The following RIPK4 variants were observed in gnomAD, a reference collection of about 807,000 sequenced individuals.
The protein encoded by RIPK4 is receptor interacting serine/threonine kinase 4.
A neutral mutation model predicts 42.9 loss-of-function variants in RIPK4; 17 were observed. The observed-to-expected ratio is 0.40, with a 90% CI of 0.27 to 0.59. RIPK4 has a LOEUF of 0.59. RIPK4 is among the 20% of genes least tolerant of loss of function. The pLI is 0.47. For missense variants in RIPK4, 897 were observed against 1,104.4 expected, an observed-to-expected ratio of 0.81 and a Z score of 2.66; for synonymous variants, 498 against 499.1, an observed-to-expected ratio of 1.00 and a Z score of 0.03.
At chr21:41,745,708 C>A in intron 6 of RIPK4, 51 bp downstream of exon 6, 1 of 1,427,068 alleles carries the variant, frequency 7.0e-7, no homozygotes, top group Non-Finnish European at 9.9e-7. Context: ...TTTGGAAACT[C>A]CTGCCTGGAA....
chr21:41,741,916 AG>A lies in RIPK4; in HGVS notation c.1276del (p.Leu426CysfsTer41), dbSNP rs1255090363. 6.2e-7 allele frequency: 1 copy of A among 1,613,366 alleles called. No individual in the cohort carries two copies. The highest frequency in any genetic ancestry group is 8.5e-7 in the Non-Finnish European group (1 of 1,179,768). Reference sequence around the variant, plus strand: ...TGCCAGGTCCACGTCCTGCGGCTGCAGGATCTTCATCAGTTTGCTGGTGTCC... The same window carrying A: ...TGCCAGGTCCACGTCCTGCGGCTGCAGATCTTCATCAGTTTGCTGGTGTCC... ...SGDTSKLMKI[L>X]QPQDVDLALD... On this transcript the variant is annotated frameshift_variant, in exon 8 of 8. Transcript: ENST00000332512. LOFTEE classifies it low-confidence loss of function (END_TRUNC).
At chr21:41,759,202 G>A (rs918869252) in intron 1 of RIPK4, among the ~76,000 whole-genome samples, 3 of 152,218 alleles carry the variant, frequency 2.0e-5, no homozygotes, top group Admixed American at 6.5e-5. Context: ...AGGTTCAAGT[G>A]AGTCTCATGC....
At chr21:41,759,492 G>A (rs1482239253) in intron 1 of RIPK4, among the ~76,000 whole-genome samples, 1 of 152,168 alleles carries the variant, frequency 6.6e-6, no homozygotes, top group Non-Finnish European at 1.5e-5. Context: ...GCAGCTCCAT[G>A]TCCACACACA....
intron 1 of RIPK4, among the ~76,000 whole-genome samples, chr21:41,761,619 G>A (rs896604981): frequency 1.3e-5 from 2 of 152,154 alleles, no homozygotes; most frequent in Non-Finnish European, 2.9e-5. Context: ...ATGACAATTC[G>A]GGTGTTTAGA....
chr21:41,745,613 C>T, intron 6 of RIPK4, 146 bp downstream of exon 6: 1 of 633,836 alleles, frequency 1.6e-6, no homozygotes, highest in Non-Finnish European at 2.8e-6. Flanking sequence ...ATGGGACCTA[C>T]ACTTCTAATG....
rs536240693 is a variant in RIPK4 at position 41,740,677 on chromosome 21, C to G, written c.*161G>C. ...CCAGCTTCACCTGGAGGGGACACTC[C>G]GGTCAGCAGCAGCCGCCTCCTGATG... is the stretch of plus-strand genomic sequence containing the variant. On this transcript the variant is annotated 3_prime_UTR_variant, in exon 8 of 8. Coordinates refer to ENST00000332512, the MANE Select transcript of RIPK4 (RefSeq NM_020639.3). 3.3e-4 allele frequency: 230 copies of G among 706,734 alleles called. 2 individuals are homozygous for G. In the South Asian group the frequency reaches 4.3e-3, roughly 13 times the overall value. The allele number at this position is 706,734 out of a possible 1,614,324, so 43.8% of individuals were successfully genotyped here.
chr21:41,764,153 G>A (rs890211252), intron 1 of RIPK4, among the ~76,000 whole-genome samples: 97 of 152,340 alleles, frequency 6.4e-4, no homozygotes, highest in African/African-American at 2.2e-3. Context: ...GTGTCTGGGG[G>A]CTGGGCGGCC....
intron 5 of RIPK4, 162 bp from the exon 6 acceptor site, chr21:41,746,024 T>C (rs1426944381): frequency 4.1e-6 from 3 of 738,058 alleles, no homozygotes; most frequent in Non-Finnish European, 7.4e-6. Context: ...GACAATTTGC[T>C]GGCCAAACCC....
Position 41,740,372 on chromosome 21 carries a change from T to C in RIPK4, c.*466A>G, listed in dbSNP as rs2061148563. 6.2e-6 allele frequency: 1 copy of C among 160,274 alleles called. No individual in the cohort carries two copies. The highest frequency in any genetic ancestry group is 1.4e-5 in the Non-Finnish European group (1 of 73,946). The allele number at this position is 160,274 out of a possible 1,614,324, so 9.9% of individuals were successfully genotyped here. A position where few individuals can be genotyped will look rare whatever the true frequency, so the allele number is the denominator to read the frequency against. ...GGTATTCATCTCTTAAGATATTTTA[T>C]AAAACAATTCCATGGAAACTTTAAG... On this transcript the variant is annotated 3_prime_UTR_variant, in exon 8 of 8. Transcript: ENST00000332512.
intron 7 of RIPK4, 136 bp downstream of exon 7, chr21:41,743,746 G>A: frequency 8.6e-7 from 1 of 1,163,328 alleles, no homozygotes; most frequent in East Asian, 2.4e-5. Context: ...AATTACTTAA[G>A]ACAGAGAGAA....
chr21:41,757,389 G>T (rs138095958), intron 1 of RIPK4, among the ~76,000 whole-genome samples: 3 of 151,958 alleles, frequency 2.0e-5, no homozygotes, highest in African/African-American at 4.8e-5. Context: ...GGGCATGGTG[G>T]CAGATGCTTA....
intron 6 of RIPK4, 80 bp downstream of exon 6, chr21:41,745,679 A>G: frequency 1.9e-6 from 2 of 1,029,962 alleles, no homozygotes; most frequent in Non-Finnish European, 3.0e-6. Flanking sequence ...GCGGCGGGGG[A>G]CTCTGCAAAG....
intron 1 of RIPK4, among the ~76,000 whole-genome samples, chr21:41,761,955 G>A (rs1048695735): frequency 1.3e-5 from 2 of 152,008 alleles, no homozygotes; most frequent in Non-Finnish European, 2.9e-5. Flanking sequence ...TCCCTGCCCC[G>A]GGCTCTTTCT....
intron 1 of RIPK4, among the ~76,000 whole-genome samples, chr21:41,757,138 C>CT (rs2061206024): frequency 6.6e-6 from 1 of 152,156 alleles, no homozygotes; most frequent in Non-Finnish European, 1.5e-5. Context: ...TGAGCCAAGG[C>CT]TTGGGGGTCT....
chr21:41,750,127 T>C (rs1601679040), intron 3 of RIPK4, among the ~76,000 whole-genome samples: 2 of 152,276 alleles, frequency 1.3e-5, no homozygotes, highest in South Asian at 4.1e-4. Flanking sequence ...AACTCTCAGC[T>C]TAAAGCCCCA....
chr21:41,760,616 A>T (rs1382918415), intron 1 of RIPK4, among the ~76,000 whole-genome samples: 1 of 152,014 alleles, frequency 6.6e-6, no homozygotes, highest in Non-Finnish European at 1.5e-5. Flanking sequence ...GAGCACACAC[A>T]CTCTGTTGGA....
chr21:41,751,645 G>A lies in RIPK4; in HGVS notation c.475-400C>T, dbSNP rs1223963732. ...GGTTCAGGTAAAGAGAGACACATGT[G>A]AAGACCAGGTCTGCTCCTAGAGAAG... On this transcript the variant is annotated intron_variant, in intron 2 of 7. Coordinates refer to ENST00000332512, the MANE Select transcript of RIPK4 (RefSeq NM_020639.3). This position sits in a 1 kb window ranked among gnomAD's most constrained non-coding sequence, Gnocchi z 4.5. Among the ~76,000 whole-genome samples, 1 of 152,248 alleles carries A rather than the reference G, an allele frequency of 6.6e-6. No homozygotes were observed. Among genetic ancestry groups the A allele is most frequent in the African/African-American group, 2.4e-5 (1 of 41,472 alleles).
chr21:41,758,433 T>G (rs1313226589), intron 1 of RIPK4, among the ~76,000 whole-genome samples: 1 of 152,228 alleles, frequency 6.6e-6, no homozygotes, highest in Non-Finnish European at 1.5e-5. Context: ...GCTGCACGAA[T>G]GTACTGCGTT....
Position 41,742,008 on chromosome 21 carries a change from A to G in RIPK4, c.1196-11T>C. The G allele has an allele frequency of 1.9e-6, 3 of 1,569,604 alleles. No individual in the cohort carries two copies. Among genetic ancestry groups the G allele is most frequent in the Non-Finnish European group, 2.6e-6 (3 of 1,155,774 alleles). On this transcript the variant is annotated splice_polypyrimidine_tract_variant and intron_variant, in intron 7 of 7. Transcript: ENST00000332512. The surrounding 1 kb of genome is among the most constrained non-coding windows in gnomAD (Gnocchi z 5.1). ...CTGTGGTGCCCAGATCTGCAGGGAG[A>G]GGAGAGGCAAAGGTCAGAGCGTGGC...
Sources: allele counts gnomAD v4.1 joint callset (sites outside exome capture counted in the v4.1 genomes callset), GRCh38; gene constraint gnomAD v4.1.1; non-coding constraint Gnocchi (gnomAD v3.1); transcripts MANE v1.5; gene names NCBI Gene and HGNC (gene_info 2026-07-23, HGNC 2026-07-21).